The following FSCN2 variants were observed in gnomAD, a reference collection of about 807,000 sequenced individuals.
The protein encoded by FSCN2 is fascin-2.
A neutral mutation model predicts 37.8 loss-of-function variants in FSCN2; 46 were observed. The ratio of observed to expected loss-of-function variants is 1.22; its 90% CI spans 0.96 to 1.56. FSCN2 has a LOEUF of 1.56. FSCN2 is among the 40% of genes most tolerant of loss of function. FSCN2 has a pLI of 0.00. For missense variants in FSCN2, 844 were observed against 730.4 expected (o/e 1.16, Z -1.79); for synonymous variants, 351 against 309.4 (o/e 1.13, Z -1.41).
intron 1 of FSCN2, chr17:81,529,645 G>T (rs1236837159): frequency 1.5e-6 from 1 of 661,426 alleles, no homozygotes; most frequent in Non-Finnish European, 2.8e-6. Context: ...GCCCTGGGCA[G>T]CTGCGGAGTC....
chr17:81,517,760 G>GCCCC, the FSCN2 span, among the ~76,000 whole-genome samples: 1 of 113,210 alleles, frequency 8.8e-6, no homozygotes, highest in African/African-American at 3.3e-5. Flanking sequence ...AGCTCCGGCC[G>GCCCC]CCCCCCCCCC....
At chr17:81,520,071 G>A in the FSCN2 span, among the ~76,000 whole-genome samples, 1 of 152,196 alleles carries the variant, frequency 6.6e-6, no homozygotes, top group African/African-American at 2.4e-5. Flanking sequence ...GCCTTCCCAG[G>A]GCTGGGCCAG....
the FSCN2 span, among the ~76,000 whole-genome samples, chr17:81,520,455 G>A: frequency 1.3e-5 from 2 of 152,220 alleles, no homozygotes; most frequent in African/African-American, 2.4e-5. Flanking sequence ...ACTGTGCCCA[G>A]CACCTTGACA....
upstream of FSCN2, among the ~76,000 whole-genome samples, chr17:81,524,919 A>C (rs12937490): frequency 1.1e-4 from 15 of 142,462 alleles, no homozygotes; most frequent in South Asian, 2.3e-4. Flanking sequence ...ACACACACAC[A>C]CCACACTCAC....
the FSCN2 span, among the ~76,000 whole-genome samples, chr17:81,518,205 G>A: frequency 1.3e-5 from 2 of 152,240 alleles, no homozygotes; most frequent in Admixed American, 1.3e-4. Context: ...CTGTCCCACT[G>A]GCTGCCTCCT....
intron 1 of FSCN2, among the ~76,000 whole-genome samples, chr17:81,533,431 G>A (rs972662674): frequency 1.7e-4 from 26 of 152,124 alleles, no homozygotes; most frequent in African/African-American, 1.7e-4. Context: ...CAGCTTCCCC[G>A]GAGTCCTCCG....
intron 1 of FSCN2, among the ~76,000 whole-genome samples, chr17:81,533,106 C>A (rs547502591): frequency 6.6e-6 from 1 of 152,170 alleles, no homozygotes; most frequent in Non-Finnish European, 1.5e-5. Flanking sequence ...GCCATAGCAT[C>A]ACCCCTACCC....
At position 81,536,826 on chromosome 17, in the gene FSCN2, G is replaced by A. The variant is rs769334745; in HGVS notation, c.1273+37G>A. The stretch of plus-strand genomic sequence containing the variant: ...GGCGGGTGGGCACGCGGGAGCGGGG[G>A]TGGCAGCGGGCAGGTGGGCACCCCC... On this transcript the variant is annotated intron_variant, in intron 4 of 4. Coordinates refer to ENST00000417245, the MANE Select transcript of FSCN2 (RefSeq NM_012418.4). The A allele has an allele frequency of 2.0e-5, 31 of 1,554,464 alleles. No individual in the cohort carries two copies. The African/African-American group carries it at 3.4e-4, about 17-fold the overall frequency.
rs745327152 is a variant in FSCN2 at position 81,536,996 on chromosome 17, C to G, written c.1395C>G (p.Ser465Arg). Residue 465 changes from serine to arginine, a missense_variant, in exon 5 of 5, where the codon AGC (serine) becomes AGG (arginine). Ser to Arg is a moderately radical substitution (Grantham distance 110). Transcript: ENST00000417245. ...GCCGCCTGGCCATCCGCGCCCGGAG[C>G]GGCAAGTACCTGCGCGGCGGCGCCT... ...ERGRLAIRAR[S>R]GKYLRGGASG... is the part of the protein sequence containing the mutation. The G allele has an allele frequency of 6.6e-7, 1 of 1,520,592 alleles. No individual in the cohort carries two copies. Among genetic ancestry groups the G allele is most frequent in the Non-Finnish European group, 8.8e-7 (1 of 1,141,614 alleles). The allele number at this position is 1,520,592 out of a possible 1,614,324, so 94.2% of individuals were successfully genotyped here. A position where few individuals can be genotyped will look rare whatever the true frequency, so the allele number is the denominator to read the frequency against.
chr17:81,532,616 GATAAT>G (rs2032729958), intron 1 of FSCN2, among the ~76,000 whole-genome samples: 2 of 142,458 alleles, frequency 1.4e-5, no homozygotes, highest in African/African-American at 5.5e-5. Context: ...TGATGGTGAT[GATAAT>G]GGTGATGATG....
chr17:81,534,959 C>T (rs1391003948), intron 1 of FSCN2, 93 bp from the exon 2 acceptor site: 1 of 887,506 alleles, frequency 1.1e-6, no homozygotes, highest in African/African-American at 1.7e-5. Context: ...ATGAGACCCA[C>T]CTCTGGCTTC....
Position 81,536,983 on chromosome 17 carries a change from T to C in FSCN2, c.1382T>C (p.Ile461Thr), listed in dbSNP as rs1878926622. 6.5e-7 allele frequency: 1 copy of C among 1,534,400 alleles called. No individual in the cohort carries two copies. Among genetic ancestry groups the C allele is most frequent in the South Asian group, 1.2e-5 (1 of 82,804 alleles). The change falls in exon 5 of 5, where the codon ATC (isoleucine) becomes ACC (threonine). Residue 461 changes from isoleucine (I) to threonine (T), a missense_variant. Ile to Thr is a moderately conservative substitution (Grantham distance 89). Transcript: ENST00000417245. The part of the protein sequence containing the change: ...FEFRERGRLA[I>T]RARSGKYLRG... ...TTCCGTGAGCGCGGCCGCCTGGCCA[T>C]CCGCGCCCGGAGCGGCAAGTACCTG...
chr17:81,519,618 G>A, the FSCN2 span, among the ~76,000 whole-genome samples: 1 of 152,210 alleles, frequency 6.6e-6, no homozygotes, highest in Non-Finnish European at 1.5e-5. Context: ...TCCTCCCTCC[G>A]CCACTGGGCG....
upstream of FSCN2, among the ~76,000 whole-genome samples, chr17:81,528,080 G>A (rs2032407845): frequency 6.6e-6 from 1 of 152,066 alleles, no homozygotes; most frequent in South Asian, 2.1e-4. Flanking sequence ...GCCGGGCCGG[G>A]AGCCCACACG....
Position 81,529,123 on chromosome 17 carries a change from G to C in FSCN2, c.592G>C (p.Gly198Arg). The C allele has an allele frequency of 6.3e-7, 1 of 1,582,500 alleles. No homozygotes were observed. Among genetic ancestry groups the C allele is most frequent in the Non-Finnish European group, 8.6e-7 (1 of 1,166,056 alleles). ...SCDSRYLRSD[G>R]RLVWEPEPRA... ...TGACAGCCGCTACCTGCGCAGCGAC[G>C]GCCGTCTGGTCTGGGAGCCTGAGCC... Residue 198 changes from glycine (G) to arginine (R), a missense_variant, in exon 1 of 5, where the codon GGC becomes CGC. Transcript: ENST00000417245.
chr17:81,523,902 C>G (rs1423723388), upstream of FSCN2: 1 of 152,418 alleles, frequency 6.6e-6, no homozygotes, highest in Non-Finnish European at 1.5e-5. Context: ...ATCAGCGTTG[C>G]AGGGCATCCA....
Position 81,535,039 on chromosome 17 carries a change from C to T in FSCN2, c.827-13C>T, listed in dbSNP as rs745995346. 8.6e-6 allele frequency: 13 copies of T among 1,517,470 alleles called. No homozygotes were observed. In the African/African-American group the frequency reaches 1.8e-4, roughly 21 times the overall value. The allele number at this position is 1,517,470 out of a possible 1,614,324, so 94.0% of individuals were successfully genotyped here. On this transcript the variant is annotated splice_polypyrimidine_tract_variant and intron_variant, in intron 1 of 4. Coordinates refer to ENST00000417245, the MANE Select transcript of FSCN2 (RefSeq NM_012418.4). ...GGAGAGGCGTGAGGGGCTTCCCCAT[C>T]TCCTCCCTCCAGGGGTCAACGTCTC... is the stretch of plus-strand genomic sequence containing the variant.
At position 81,531,369 on chromosome 17, in the gene FSCN2, GTGGTGGTGA is replaced by G. The variant is rs1555671283; in HGVS notation, c.826+2027_826+2035del. Among the ~76,000 whole-genome samples, 685 of 84,642 alleles carry G rather than the reference GTGGTGGTGA, an allele frequency of 8.1e-3. 6 individuals carry two copies. Among genetic ancestry groups the G allele is most frequent in the Non-Finnish European group, 0.013 (508 of 40,260 alleles). The allele number at this position is 84,642 out of a possible 152,430, so 55.5% of individuals were successfully genotyped here. On this transcript the variant is annotated intron_variant, in intron 1 of 4. Coordinates refer to ENST00000417245, the MANE Select transcript of FSCN2 (RefSeq NM_012418.4). ...GGTGATGATGGTGATGGTGATGATGGTGGTGGTGATGGTGGTGATGGTGATGATGGTGAT... is the reference window on the plus strand; with the variant it reads ...GGTGATGATGGTGATGGTGATGATGGTGGTGGTGATGGTGATGATGGTGAT...
chr17:81,530,371 CCTGT>C (rs1221527455), intron 1 of FSCN2, among the ~76,000 whole-genome samples: 7 of 152,364 alleles, frequency 4.6e-5, no homozygotes, highest in African/African-American at 1.4e-4. Context: ...TCACCAGTTG[CCTGT>C]CTGTGTGACT....
Sources: gnomAD v4.1 joint callset for allele counts (sites outside exome capture counted in the v4.1 genomes callset) on GRCh38, gnomAD v4.1.1 for gene constraint, MANE v1.5 for transcripts, NCBI Gene and HGNC (gene_info 2026-07-23, HGNC 2026-07-21) for gene names.